KIF5C: variants seen among roughly 807,000 people sequenced by gnomAD.
The protein encoded by KIF5C is kinesin family member 5C.
Under a neutral mutation model 125.2 loss-of-function variants are expected in KIF5C, and 18 were observed. That is an observed-to-expected ratio of 0.14 (90% CI 0.10 to 0.21). The LOEUF is 0.21. KIF5C is among the 10% of genes least tolerant of loss of function. KIF5C has a pLI of 1.00. For synonymous variants in KIF5C, 405 were observed against 434.0 expected (o/e 0.93, Z 0.83); for missense variants, 780 against 1,183.8 (o/e 0.66, Z 5.01).
At chr2:148,972,264 G>A (rs1355541486) in intron 11 of KIF5C, among the ~76,000 whole-genome samples, 2 of 152,256 alleles carry the variant, frequency 1.3e-5, no homozygotes, top group East Asian at 3.9e-4. Flanking sequence ...TCTGACTCAA[G>A]GCAGTTTTCC....
chr2:148,888,024 G>A (rs1681595297), intron 1 of KIF5C, among the ~76,000 whole-genome samples: 9 of 152,226 alleles, frequency 5.9e-5, no homozygotes, highest in Admixed American at 5.9e-4. Flanking sequence ...AATTAAGTAC[G>A]TGCAAGCCAT....
At chr2:148,910,620 A>G (rs979673837) in intron 1 of KIF5C, among the ~76,000 whole-genome samples, 6 of 152,176 alleles carry the variant, frequency 3.9e-5, no homozygotes, top group African/African-American at 1.4e-4. Context: ...GAATCGTCAG[A>G]GCAGTGAGGT....
chr2:148,898,932 C>T (rs532130309), intron 1 of KIF5C, among the ~76,000 whole-genome samples: 1 of 152,158 alleles, frequency 6.6e-6, no homozygotes, highest in African/African-American at 2.4e-5. Context: ...TGTTAGAGAG[C>T]AGCAACGAAT....
chr2:148,954,344 A>G (rs1281715279), intron 10 of KIF5C, among the ~76,000 whole-genome samples: 2 of 152,196 alleles, frequency 1.3e-5, no homozygotes, highest in African/African-American at 2.4e-5. Context: ...CTCAAATTAG[A>G]GCACTTTTAT....
chr2:148,887,023 G>C (rs1055572243), intron 1 of KIF5C, among the ~76,000 whole-genome samples: 17 of 152,162 alleles, frequency 1.1e-4, no homozygotes, highest in Non-Finnish European at 5.9e-5. Flanking sequence ...ACATTGCGCT[G>C]TCCAAATGGT....
At chr2:149,015,788 A>C (rs1682341426) in intron 25 of KIF5C, among the ~76,000 whole-genome samples, 1 of 152,196 alleles carries the variant, frequency 6.6e-6, no homozygotes, top group Admixed American at 6.5e-5. Flanking sequence ...TGTCAGCTTT[A>C]GGTTTCCTAC....
chr2:148,928,500 A>G (rs547958185), intron 2 of KIF5C, among the ~76,000 whole-genome samples: 2 of 152,350 alleles, frequency 1.3e-5, no homozygotes, highest in South Asian at 4.1e-4. Context: ...ATTCCCACAG[A>G]TAATCTTCAG....
intron 25 of KIF5C, among the ~76,000 whole-genome samples, chr2:149,019,007 A>G (rs1033510262): frequency 1.3e-5 from 2 of 152,224 alleles, no homozygotes; most frequent in Non-Finnish European, 2.9e-5. Flanking sequence ...AATGAAAATA[A>G]CTATTTTCAA....
intron 1 of KIF5C, among the ~76,000 whole-genome samples, chr2:148,915,126 G>A (rs1681493109): frequency 6.6e-6 from 1 of 152,154 alleles, no homozygotes; most frequent in African/African-American, 2.4e-5. Context: ...GAAAGACATA[G>A]TGACTTCAGG....
chr2:148,906,707 A>T (rs1681122089), intron 1 of KIF5C, among the ~76,000 whole-genome samples: 1 of 151,558 alleles, frequency 6.6e-6, no homozygotes, highest in South Asian at 2.1e-4. Context: ...TCTACAAAAA[A>T]TACAAAAATT....
chr2:148,907,934 A>G (rs558347289), intron 1 of KIF5C, among the ~76,000 whole-genome samples: 1 of 152,274 alleles, frequency 6.6e-6, no homozygotes, highest in Non-Finnish European at 1.5e-5. Flanking sequence ...TCATCTGGAG[A>G]TCTATGTTAG....
intron 1 of KIF5C, among the ~76,000 whole-genome samples, chr2:148,895,685 C>T (rs1217337628): frequency 6.6e-6 from 1 of 152,166 alleles, no homozygotes. Flanking sequence ...ATACTACAGA[C>T]TCAGTGGCTT....
At chr2:148,880,008 A>T (rs2105033087) in intron 1 of KIF5C, 3 of 152,340 alleles carry the variant, frequency 2.0e-5, no homozygotes, top group African/African-American at 7.2e-5. Flanking sequence ...AGGATTTTAG[A>T]GATTAAGTGA....
chr2:148,998,831 C>CAAAAAAAAAAAAAAAAAAAAAAAAAAAA (rs58960407), intron 19 of KIF5C: 1 of 62,370 alleles, frequency 1.6e-5, no homozygotes, highest in Admixed American at 1.6e-4. Flanking sequence ...ATGAAAGCAC[C>CAAAAAAAAAAAAAAAAAAAAAAAAAAAA]AAAAAAAAAA....
chr2:148,875,575 G>GGGCCCCCCC lies in KIF5C; in HGVS notation c.-43_-42insGGCCCCCCC. The GGGCCCCCCC allele has an allele frequency of 7.1e-6, 5 of 699,602 alleles. No individual in the cohort carries two copies. Among genetic ancestry groups the GGGCCCCCCC allele is most frequent in the Non-Finnish European group, 7.7e-6 (3 of 389,228 alleles). 43.3% of individuals were successfully genotyped at this position (699,602 alleles called of 1,614,324 possible). On this transcript the variant is annotated 5_prime_UTR_variant, in exon 1 of 26. Coordinates refer to ENST00000435030, the MANE Select transcript of KIF5C (RefSeq NM_004522.3). ...TCCTCCCTCGTCGTTCCCGGCCCCG[G>GGGCCCCCCC]CCCCCCACCCATCCCCGTGCCCCCT...
intron 8 of KIF5C, among the ~76,000 whole-genome samples, chr2:148,948,800 C>G (rs556322868): frequency 9.2e-4 from 140 of 152,228 alleles, no homozygotes; most frequent in African/African-American, 3.2e-3. Flanking sequence ...TTAAGATGCT[C>G]AAATAAGAAA....
chr2:148,949,693 G>T, intron 8 of KIF5C, 146 bp from the exon 9 acceptor site: 2 of 1,194,190 alleles, frequency 1.7e-6, no homozygotes, highest in Non-Finnish European at 2.3e-6. Context: ...ACGAAGGATG[G>T]TTTTTTATCA....
intron 1 of KIF5C, among the ~76,000 whole-genome samples, chr2:148,908,316 G>C (rs183952750): frequency 1.3e-5 from 2 of 152,186 alleles, no homozygotes; most frequent in African/African-American, 4.8e-5. Context: ...GAGGGTGAAG[G>C]CCTTTTCTTC....
intron 1 of KIF5C, among the ~76,000 whole-genome samples, chr2:148,899,643 C>T (rs544310335): frequency 2.3e-5 from 3 of 133,322 alleles, no homozygotes; most frequent in East Asian, 2.5e-4. Flanking sequence ...GCAGAGGTTG[C>T]GGTGAGCCGA....
Sources: allele counts gnomAD v4.1 joint callset (sites outside exome capture counted in the v4.1 genomes callset), GRCh38; gene constraint gnomAD v4.1.1; transcripts MANE v1.5; gene names NCBI Gene and HGNC (gene_info 2026-07-23, HGNC 2026-07-21).